Variants in PDE3B observed in about 807,000 individuals in gnomAD.
PDE3B encodes phosphodiesterase 3B.
In PDE3B, 66 loss-of-function variants were observed where a neutral mutation model predicts 116.8. That is an observed-to-expected ratio of 0.56 (90% CI 0.46 to 0.69). PDE3B has a LOEUF of 0.69. Among genes scored for constraint, PDE3B ranks in the 30% least tolerant of loss-of-function variants. The pLI is 0.00. For missense variants in PDE3B, 1,384 were observed against 1,368.1 expected, an observed-to-expected ratio of 1.01 and a Z score of -0.18; for synonymous variants, 595 against 533.6, an observed-to-expected ratio of 1.12 and a Z score of -1.59.
intron 1 of PDE3B, among the ~76,000 whole-genome samples, chr11:14,680,730 T>C (rs1375659161): frequency 6.6e-6 from 1 of 151,152 alleles, no homozygotes; most frequent in Admixed American, 6.6e-5. Flanking sequence ...ATAACTTTAC[T>C]AAACAAGCTG....
intron 2 of PDE3B, among the ~76,000 whole-genome samples, chr11:14,779,732 C>T (rs1203871029): frequency 6.6e-6 from 1 of 152,136 alleles, no homozygotes; most frequent in Admixed American, 6.5e-5. Flanking sequence ...TTGTAAAGAC[C>T]ATCGATGCTA....
chr11:14,665,449 A>G (rs538245401), intron 1 of PDE3B, among the ~76,000 whole-genome samples: 3 of 152,338 alleles, frequency 2.0e-5, no homozygotes, highest in Non-Finnish European at 4.4e-5. Flanking sequence ...AATAAAGGGT[A>G]TTCAATTAGG....
intron 1 of PDE3B, among the ~76,000 whole-genome samples, chr11:14,769,763 T>C (rs575063338): frequency 4.8e-4 from 72 of 149,766 alleles, no homozygotes; most frequent in African/African-American, 1.7e-3. Context: ...ACTGTAGCCT[T>C]TGGAGGGCTA....
At chr11:14,790,214 G>A in intron 4 of PDE3B, among the ~76,000 whole-genome samples, 1 of 151,730 alleles carries the variant, frequency 6.6e-6, no homozygotes, top group East Asian at 1.9e-4. Context: ...CTCCTTTTTT[G>A]TAAAAGAAAA....
At chr11:14,803,613 T>C (rs528201550) in intron 4 of PDE3B, among the ~76,000 whole-genome samples, 34 of 152,364 alleles carry the variant, frequency 2.2e-4, no homozygotes, top group Non-Finnish European at 4.6e-4. Context: ...GTCTGCAGCC[T>C]ATGGACCTAA....
intron 2 of PDE3B, chr11:14,773,802 T>C (rs549397262): frequency 1.3e-5 from 2 of 152,330 alleles, no homozygotes; most frequent in African/African-American, 4.8e-5. Context: ...AGAAATCTTT[T>C]TGAGGATTTC....
chr11:14,779,182 C>T (rs1236967964), intron 2 of PDE3B, among the ~76,000 whole-genome samples: 1 of 152,184 alleles, frequency 6.6e-6, no homozygotes, highest in African/African-American at 2.4e-5. Context: ...AAGACCAAAT[C>T]TACGTCTGAT....
chr11:14,671,250 G>A (rs1380946196), intron 1 of PDE3B, among the ~76,000 whole-genome samples: 1 of 152,148 alleles, frequency 6.6e-6, no homozygotes, highest in Non-Finnish European at 1.5e-5. Flanking sequence ...GGATGGTGGA[G>A]GTGAAGATGG....
At chr11:14,680,668 A>C (rs1854675300) in intron 1 of PDE3B, among the ~76,000 whole-genome samples, 1 of 152,182 alleles carries the variant, frequency 6.6e-6, no homozygotes, top group South Asian at 2.1e-4. Flanking sequence ...ATACACGTAA[A>C]AGAGTACTCA....
In PDE3B at chr11:14,835,148, G is replaced by C. The variant is rs1860015050; in HGVS notation, c.2320+53G>C. On this transcript the variant is annotated intron_variant, in intron 11 of 15. Transcript: ENST00000282096. Reference sequence around the variant, plus strand: ...ATTTTGATCAGGAATAGTAAATCAAGCTTTCTCATTTCATTACCTCTGTTC... The same window carrying C: ...ATTTTGATCAGGAATAGTAAATCAACCTTTCTCATTTCATTACCTCTGTTC... The C allele has an allele frequency of 2.6e-6, 3 of 1,139,310 alleles. No individual in the cohort carries two copies. The Admixed American group carries it at 6.3e-5, about 24-fold the overall frequency. The allele number at this position is 1,139,310 out of a possible 1,614,324, so 70.6% of individuals were successfully genotyped here.
Position 14,650,665 on chromosome 11 carries a change from T to C in PDE3B, c.978+5612T>C, listed in dbSNP as rs373736469. The stretch of plus-strand genomic sequence containing the variant: ...TGGAAGCAGGGTTGGAGTAATACAG[T>C]GTGATACACATCCACCCTTGGGAGG... On this transcript the variant is annotated intron_variant, in intron 1 of 15. Transcript: ENST00000282096. 2.6e-3 allele frequency among the ~76,000 whole-genome samples: 391 copies of C among 152,150 alleles called. 1 individual carries two copies. The highest frequency in any genetic ancestry group is 8.2e-3 in the African/African-American group (340 of 41,502).
chr11:14,794,654 T>C (rs1858495508), intron 4 of PDE3B, among the ~76,000 whole-genome samples: 1 of 152,144 alleles, frequency 6.6e-6, no homozygotes, highest in African/African-American at 2.4e-5. Flanking sequence ...GGAGATAGCG[T>C]CAGATCATAC....
At chr11:14,678,547 G>A (rs1030533938) in intron 1 of PDE3B, among the ~76,000 whole-genome samples, 1 of 152,058 alleles carries the variant, frequency 6.6e-6, no homozygotes, top group Non-Finnish European at 1.5e-5. Flanking sequence ...GTGTGTAGTG[G>A]TATTGCATCA....
intron 1 of PDE3B, among the ~76,000 whole-genome samples, chr11:14,666,401 A>G (rs922689260): frequency 8.5e-4 from 129 of 151,786 alleles, no homozygotes; most frequent in Middle Eastern, 3.4e-3. Flanking sequence ...AAACACCAAA[A>G]GCAATGGCAA....
Position 14,644,071 on chromosome 11 carries a change from C to T in PDE3B, c.-5C>T. 1.3e-6 allele frequency: 2 copies of T among 1,518,682 alleles called. No homozygotes were observed. Among genetic ancestry groups the T allele is most frequent in the South Asian group, 1.2e-5 (1 of 82,050 alleles). 94.1% of individuals were successfully genotyped at this position (1,518,682 alleles called of 1,614,324 possible). On this transcript the variant is annotated 5_prime_UTR_variant, in exon 1 of 16. Transcript: ENST00000282096. ...TGAGTCCCGTGGCCACCCCCGGCCCCAGCCATGAGGAGGGACGAGCGAGAC... is the reference window on the plus strand; with the variant it reads ...TGAGTCCCGTGGCCACCCCCGGCCCTAGCCATGAGGAGGGACGAGCGAGAC...
At position 14,859,364 on chromosome 11, in the gene PDE3B, T is replaced by C. The variant is rs1847906258; in HGVS notation, c.2724+118T>C. ...CTACTTAGGAAGTAACAATAAATAG[T>C]TGATATAAAATAATATATATGCCTA... is the stretch of plus-strand genomic sequence containing the variant. On this transcript the variant is annotated intron_variant, in intron 13 of 15. Coordinates refer to ENST00000282096, the MANE Select transcript of PDE3B (RefSeq NM_000922.4). The C allele has an allele frequency of 6.4e-6, 4 of 627,140 alleles. No individual in the cohort carries two copies. The South Asian group carries it at 7.4e-5, about 12-fold the overall frequency. The allele number at this position is 627,140 out of a possible 1,614,324, so 38.8% of individuals were successfully genotyped here.
intron 1 of PDE3B, among the ~76,000 whole-genome samples, chr11:14,657,160 T>A (rs1178701779): frequency 6.6e-6 from 1 of 152,202 alleles, no homozygotes; most frequent in Non-Finnish European, 1.5e-5. Context: ...TTTGTTCCAG[T>A]TTGTCACTTT....
Position 14,817,217 on chromosome 11 carries a change from C to T in PDE3B, c.1523-966C>T, listed in dbSNP as rs557585618. On this transcript the variant is annotated intron_variant, in intron 5 of 15. Transcript: ENST00000282096. ...AAACCAAACACCATATGTCCTCACT[C>T]ATAGGTGGGAATGAACAATGAGAAC... Among the ~76,000 whole-genome samples, 688 of 150,784 alleles carry T rather than the reference C, an allele frequency of 4.6e-3. 4 individuals carry two copies. The highest frequency in any genetic ancestry group is 0.016 in the African/African-American group (661 of 40,946).
intron 1 of PDE3B, among the ~76,000 whole-genome samples, chr11:14,756,668 G>A (rs1313718894): frequency 6.6e-6 from 1 of 152,118 alleles, no homozygotes; most frequent in Admixed American, 6.6e-5. Flanking sequence ...AGGGACAAAT[G>A]GAGAATATCC....
Sources: gnomAD v4.1 joint callset for allele counts (sites outside exome capture counted in the v4.1 genomes callset) on GRCh38, gnomAD v4.1.1 for gene constraint, MANE v1.5 for transcripts, NCBI Gene and HGNC (gene_info 2026-07-23, HGNC 2026-07-21) for gene names.